Variants in TNFAIP2 observed in about 807,000 individuals in gnomAD.
TNFAIP2 encodes tumor necrosis factor alpha-induced protein 2.
TNFAIP2 carries 47 observed loss-of-function variants against 63.5 expected under a neutral mutation model. That is an observed-to-expected ratio of 0.74 (90% confidence interval 0.59 to 0.94). TNFAIP2 has a LOEUF of 0.94. TNFAIP2 is among the 40% of genes least tolerant of loss of function. TNFAIP2 has a pLI of 0.00. For synonymous variants in TNFAIP2, 405 were observed against 390.2 expected (o/e 1.04, Z -0.45); for missense variants, 787 against 850.2 (o/e 0.93, Z 0.92).
chr14:103,132,229 C>G (rs1236409578), intron 8 of TNFAIP2, among the ~76,000 whole-genome samples: 1 of 152,152 alleles, frequency 6.6e-6, no homozygotes, highest in East Asian at 1.9e-4. Flanking sequence ...GGGGTTATAT[C>G]TGTTATGGGC....
chr14:103,131,247 G>A lies in TNFAIP2; in HGVS notation c.1298+97G>A. On this transcript the variant is annotated intron_variant, in intron 7 of 11. Coordinates refer to ENST00000560869, the MANE Select transcript of TNFAIP2 (RefSeq NM_006291.4). The surrounding 1 kb of genome is among the most constrained non-coding windows in gnomAD (Gnocchi z 4.0). The stretch of plus-strand genomic sequence containing the variant: ...AGGGAGGAGGAGCTGCTTAGGCCAA[G>A]AAGTGGAATTCAAACCAGCAACATG... The A allele has an allele frequency of 7.4e-7, 1 of 1,343,098 alleles. No homozygotes were observed. The allele number at this position is 1,343,098 out of a possible 1,614,324, so 83.2% of individuals were successfully genotyped here.
intron 3 of TNFAIP2, among the ~76,000 whole-genome samples, chr14:103,128,038 C>T (rs2087898549): frequency 6.6e-6 from 1 of 152,112 alleles, no homozygotes; most frequent in South Asian, 2.1e-4. Flanking sequence ...AGAGCATGGG[C>T]CCAAAGCAGG....
Position 103,131,290 on chromosome 14 carries a change from C to T in TNFAIP2, c.1298+140C>T. Reference sequence around the variant, plus strand: ...GCAACATGTGTGAGGACTCCACGGCCTGCAGCAGCAGCAGCAAACATTTCC... The same window carrying T: ...GCAACATGTGTGAGGACTCCACGGCTTGCAGCAGCAGCAGCAAACATTTCC... On this transcript the variant is annotated intron_variant, in intron 7 of 11. Transcript: ENST00000560869. The surrounding 1 kb of genome is among the most constrained non-coding windows in gnomAD (Gnocchi z 4.0). 1.1e-6 allele frequency: 1 copy of T among 894,198 alleles called. No homozygotes were observed. The highest frequency in any genetic ancestry group is 2.6e-5 in the East Asian group (1 of 38,970). The allele number at this position is 894,198 out of a possible 1,614,324, so 55.4% of individuals were successfully genotyped here. A position where few individuals can be genotyped will look rare whatever the true frequency, so the allele number is the denominator to read the frequency against.
Position 103,127,045 on chromosome 14 carries a change from G to A in TNFAIP2, c.276G>A (p.Glu92=). ...CGGCGCTGGAGCGCGGGCAGCTGGA[G>A]GCGGCGCGGCCGCTGCTGGCGCTGG... ...LKAALERGQL[E]AARPLLALER... is the part of the protein sequence containing the mutation. The change falls in exon 3 of 12, where the codon GAG becomes GAA. Residue 92 remains glutamate, a synonymous_variant. Transcript: ENST00000560869. This position sits in a 1 kb window ranked among gnomAD's most constrained non-coding sequence, Gnocchi z 5.1. 8.7e-7 allele frequency: 1 copy of A among 1,154,610 alleles called. No individual in the cohort carries two copies. The highest frequency in any genetic ancestry group is 1.1e-6 in the Non-Finnish European group (1 of 937,750). 71.5% of individuals were successfully genotyped at this position (1,154,610 alleles called of 1,614,324 possible). A position where few individuals can be genotyped will look rare whatever the true frequency, so the allele number is the denominator to read the frequency against.
rs528548891 is a variant in TNFAIP2 at position 103,128,922 on chromosome 14, C to T, written c.861-818C>T. Among the ~76,000 whole-genome samples the T allele has an allele frequency of 5.3e-5, 8 of 152,312 alleles. No individual in the cohort carries two copies. The East Asian group carries it at 1.5e-3, about 29-fold the overall frequency. On this transcript the variant is annotated intron_variant, in intron 3 of 11. Coordinates refer to ENST00000560869, the MANE Select transcript of TNFAIP2 (RefSeq NM_006291.4). ...CATGGAGCCCTGGTGAGAGGGTGCCCAGGGGGGCATCGTTGAAGCCTGTGT... is the reference window on the plus strand; with the variant it reads ...CATGGAGCCCTGGTGAGAGGGTGCCTAGGGGGGCATCGTTGAAGCCTGTGT...
rs759325103 is a variant in TNFAIP2 at position 103,133,315 on chromosome 14, C to T, written c.1546-47C>T. On this transcript the variant is annotated intron_variant, in intron 9 of 11. Coordinates refer to ENST00000560869, the MANE Select transcript of TNFAIP2 (RefSeq NM_006291.4). ...AAGGCTTCAAGGGAGGTGGCGAGCT[C>T]CCCATCAGCAGACAGCTCACACGCC... 1.9e-6 allele frequency: 3 copies of T among 1,595,664 alleles called. No homozygotes were observed. The South Asian group carries it at 3.4e-5, about 18-fold the overall frequency.
intron 8 of TNFAIP2, among the ~76,000 whole-genome samples, chr14:103,132,001 TGGGAG>T: frequency 1.8e-4 from 1 of 5,694 alleles, no homozygotes; most frequent in African/African-American, 1.5e-3. Context: ...CGCCTGGGGC[TGGGAG>T]GGGCCGCCTG....
At position 103,127,488 on chromosome 14, in the gene TNFAIP2, C is replaced by A. The variant is rs1276603170; in HGVS notation, c.719C>A (p.Pro240His). Residue 240 changes from proline (P) to histidine (H), a missense_variant, in exon 3 of 12, where the codon CCC becomes CAC. Physicochemically the swap from Pro to His is moderately conservative, Grantham distance 77 (BLOSUM62 -2). This residue lies in a region of TNFAIP2 where 523 missense variants were observed against 604.1 expected (regional missense o/e 0.87). Coordinates refer to ENST00000560869, the MANE Select transcript of TNFAIP2 (RefSeq NM_006291.4). The surrounding 1 kb of genome is among the most constrained non-coding windows in gnomAD (Gnocchi z 5.1). ...GTGGAGCGGCTGAAGCCGCTGTTCC[C>A]CGCCGAGTTCGGCGTCGTGGCGGCC... ...AVVERLKPLF[P>H]AEFGVVAAYA... 6.3e-7 allele frequency: 1 copy of A among 1,590,222 alleles called. No homozygotes were observed. Among genetic ancestry groups the A allele is most frequent in the East Asian group, 2.3e-5 (1 of 44,408 alleles).
chr14:103,134,484 CCATCCATCTATT>C (rs1356122884), intron 11 of TNFAIP2, among the ~76,000 whole-genome samples: 2 of 134,928 alleles, frequency 1.5e-5, no homozygotes, highest in Non-Finnish European at 3.2e-5. Flanking sequence ...ACCCGTCTAT[CCATCCATCTATT>C]CATCCACCTA....
At position 103,127,877 on chromosome 14, in the gene TNFAIP2, T is replaced by C. The variant is rs1023048784; in HGVS notation, c.860+248T>C. 6.6e-6 allele frequency among the ~76,000 whole-genome samples: 1 copy of C among 152,176 alleles called. No individual in the cohort carries two copies. Among genetic ancestry groups the C allele is most frequent in the Non-Finnish European group, 1.5e-5 (1 of 68,018 alleles). On this transcript the variant is annotated intron_variant, in intron 3 of 11. Transcript: ENST00000560869. The surrounding 1 kb of genome is among the most constrained non-coding windows in gnomAD (Gnocchi z 5.1). The stretch of plus-strand genomic sequence containing the variant: ...GTTGCTCTTGGAATCCTTAATTTCC[T>C]GGGCCTCAGTCACATTCTGCTGTTG...
In TNFAIP2 at chr14:103,135,148, C is replaced by A; in HGVS notation, c.1824-71C>A. ...GGCTGTCGGGCCCTGTGGCACTGGC[C>A]GGGAGTGCAGGGAGCTGGTGAGTAG... is the stretch of plus-strand genomic sequence containing the variant. On this transcript the variant is annotated intron_variant, in intron 11 of 11. Coordinates refer to ENST00000560869, the MANE Select transcript of TNFAIP2 (RefSeq NM_006291.4). This position sits in a 1 kb window ranked among gnomAD's most constrained non-coding sequence, Gnocchi z 7.6. The A allele has an allele frequency of 1.9e-6, 3 of 1,601,948 alleles. No homozygotes were observed. The highest frequency in any genetic ancestry group is 2.6e-6 in the Non-Finnish European group (3 of 1,170,692).
Position 103,127,160 on chromosome 14 carries a change from C to A in TNFAIP2, c.391C>A (p.Leu131Met). Residue 131 changes from leucine (L) to methionine (M), a missense_variant, in exon 3 of 12, where the codon CTG (leucine) becomes ATG (methionine). This residue lies in a region of TNFAIP2 where 258 missense variants were observed against 228.9 expected (regional missense o/e 1.13). Coordinates refer to ENST00000560869, the MANE Select transcript of TNFAIP2 (RefSeq NM_006291.4). The surrounding 1 kb of genome is among the most constrained non-coding windows in gnomAD (Gnocchi z 5.1). ...RQSKVEALYE[L>M]LRDQVLGVLR... is the part of the protein sequence containing the mutation. Reference sequence around the variant, plus strand: ...GAGCAAGGTGGAGGCGCTGTACGAGCTGCTGCGCGACCAGGTGCTGGGCGT... The same window carrying A: ...GAGCAAGGTGGAGGCGCTGTACGAGATGCTGCGCGACCAGGTGCTGGGCGT... 1 of 1,119,796 alleles carries A rather than the reference C, an allele frequency of 8.9e-7. No homozygotes were observed. Among genetic ancestry groups the A allele is most frequent in the South Asian group, 2.7e-5 (1 of 36,812 alleles). The allele number at this position is 1,119,796 out of a possible 1,614,324, so 69.4% of individuals were successfully genotyped here.
chr14:103,126,767 T>G, intron 2 of TNFAIP2, 75 bp downstream of exon 2: 2 of 1,444,364 alleles, frequency 1.4e-6, no homozygotes, highest in African/African-American at 1.4e-5. Context: ...AGTGAGCCAC[T>G]TGCACAGTGG....
In TNFAIP2 at chr14:103,127,659, G is replaced by A. The variant is rs1482502863; in HGVS notation, c.860+30G>A. Reference sequence around the variant, plus strand: ...GCAGACCAGGGGCTGGGCCCGGGCCGGCAGGGAGGGTGTCCTCTGTAGGAG... The same window carrying A: ...GCAGACCAGGGGCTGGGCCCGGGCCAGCAGGGAGGGTGTCCTCTGTAGGAG... On this transcript the variant is annotated intron_variant, in intron 3 of 11. Coordinates refer to ENST00000560869, the MANE Select transcript of TNFAIP2 (RefSeq NM_006291.4). The surrounding 1 kb of genome is among the most constrained non-coding windows in gnomAD (Gnocchi z 5.1). 4.2e-6 allele frequency: 6 copies of A among 1,436,734 alleles called. No homozygotes were observed. Among genetic ancestry groups the A allele is most frequent in the East Asian group, 5.0e-5 (2 of 40,022 alleles). The allele number at this position is 1,436,734 out of a possible 1,614,324, so 89.0% of individuals were successfully genotyped here.
Position 103,135,758 on chromosome 14 carries a change from C to T in TNFAIP2, c.*398C>T. 2.3e-6 allele frequency: 3 copies of T among 1,282,388 alleles called. No individual in the cohort carries two copies. The South Asian group carries it at 3.9e-5, about 17-fold the overall frequency. The allele number at this position is 1,282,388 out of a possible 1,614,324, so 79.4% of individuals were successfully genotyped here. A position where few individuals can be genotyped will look rare whatever the true frequency, so the allele number is the denominator to read the frequency against. ...CCTCGTGGGTGGGGCCGAGGGCCCTCTTCAGCTCTCTGGAGACAGGGGCCG... is the reference window on the plus strand; with the variant it reads ...CCTCGTGGGTGGGGCCGAGGGCCCTTTTCAGCTCTCTGGAGACAGGGGCCG... On this transcript the variant is annotated 3_prime_UTR_variant, in exon 12 of 12. Coordinates refer to ENST00000560869, the MANE Select transcript of TNFAIP2 (RefSeq NM_006291.4). This position sits in a 1 kb window ranked among gnomAD's most constrained non-coding sequence, Gnocchi z 7.6.
At chr14:103,133,603 G>A (rs2088036078) in intron 10 of TNFAIP2, 79 bp from the exon 11 acceptor site, 3 of 1,564,262 alleles carry the variant, frequency 1.9e-6, no homozygotes, top group African/African-American at 2.7e-5. Flanking sequence ...ATAGGCCGCT[G>A]GTGCCTCTCT....
intron 11 of TNFAIP2, among the ~76,000 whole-genome samples, chr14:103,134,406 C>A (rs577151613): frequency 6.6e-5 from 10 of 152,116 alleles, no homozygotes; most frequent in Non-Finnish European, 1.2e-4. Context: ...TTCCTTCACC[C>A]ATCTGGCTAT....
At chr14:103,132,533 G>A (rs892491011) in intron 8 of TNFAIP2, among the ~76,000 whole-genome samples, 22 of 152,336 alleles carry the variant, frequency 1.4e-4, no homozygotes, top group Admixed American at 1.3e-3. Context: ...GCCGCACTGG[G>A]TGACCTTGGA....
At position 103,129,821 on chromosome 14, in the gene TNFAIP2, A is replaced by C. The variant is rs750080658; in HGVS notation, c.942A>C (p.Arg314=). 1.4e-5 allele frequency: 22 copies of C among 1,613,924 alleles called. No individual in the cohort carries two copies. In the South Asian group the frequency reaches 2.3e-4, roughly 17 times the overall value. ...GCCTCCTGCCCCCCAGGCAGATCCG[A>C]CTGCTGGAGGCCACATTCCTGTCCA... ...LGSLLPPRQI[R]LLEATFLSSE... Residue 314 remains arginine (R), a synonymous_variant, in exon 4 of 12, where the codon CGA becomes CGC. Coordinates refer to ENST00000560869, the MANE Select transcript of TNFAIP2 (RefSeq NM_006291.4).
Sources: allele counts gnomAD v4.1 joint callset (sites outside exome capture counted in the v4.1 genomes callset), GRCh38; gene constraint gnomAD v4.1.1; regional missense constraint gnomAD v4.1.1; non-coding constraint Gnocchi (gnomAD v3.1); transcripts MANE v1.5; gene names NCBI Gene and HGNC (gene_info 2026-07-23, HGNC 2026-07-21).